The following SMCHD1 variants were observed in gnomAD, a reference collection of about 807,000 sequenced individuals.
SMCHD1 encodes the protein structural maintenance of chromosomes flexible hinge domain containing 1.
A neutral mutation model predicts 254.7 loss-of-function variants in SMCHD1; 78 were observed. The ratio of observed to expected loss-of-function variants is 0.31; its 90% CI spans 0.26 to 0.37. The LOEUF is 0.37. Ranked by LOEUF, SMCHD1 falls within the 10% of genes least tolerant of loss-of-function variation. The pLI is 1.00. For synonymous variants in SMCHD1, 766 were observed against 794.9 expected, an observed-to-expected ratio of 0.96 and a Z score of 0.61; for missense variants, 1,840 against 2,408.1, an observed-to-expected ratio of 0.76 and a Z score of 4.94.
chr18:2,763,552 GTAT>G (rs1301550498), intron 36 of SMCHD1, 82 bp from the exon 37 acceptor site: 15 of 1,090,540 alleles, frequency 1.4e-5, no homozygotes, highest in African/African-American at 6.6e-5. Context: ...GGGGCTCTCT[GTAT>G]TATTTCTGAT....
intron 12 of SMCHD1, among the ~76,000 whole-genome samples, chr18:2,702,719 T>G (rs1210448537): frequency 6.6e-6 from 1 of 152,186 alleles, no homozygotes; most frequent in East Asian, 1.9e-4. Context: ...TTCATATAAC[T>G]TTAAAAAAAT....
chr18:2,704,751 G>T lies in SMCHD1; in HGVS notation c.1842+865G>T, dbSNP rs923664095. On this transcript the variant is annotated intron_variant, in intron 13 of 47. Transcript: ENST00000320876. ...TACACAGATAATTACAAGGTAGAAG[G>T]CTCTCTGTTCTCTCCATAAATGAGA... Among the ~76,000 whole-genome samples the T allele has an allele frequency of 2.0e-5, 3 of 151,976 alleles. 1 individual carries two copies. The highest frequency in any genetic ancestry group is 3.9e-4 in the East Asian group (2 of 5,192).
intron 15 of SMCHD1, 25 bp from the exon 16 acceptor site, chr18:2,707,538 C>T (rs752513180): frequency 4.1e-6 from 6 of 1,447,382 alleles, no homozygotes; most frequent in Non-Finnish European, 5.7e-6. Context: ...GTTTGTGGAA[C>T]ATTAATATGC....
At position 2,655,807 on chromosome 18, in the gene SMCHD1, G is replaced by T; in HGVS notation, c.-269G>T. ...GATAGGCGCTGGGCCCGGGCCCGGT[G>T]AGGAGCGCGCCGCGCGTCCCCTTCT... is the stretch of plus-strand genomic sequence containing the variant. On this transcript the variant is annotated 5_prime_UTR_variant, in exon 1 of 48. Coordinates refer to ENST00000320876, the MANE Select transcript of SMCHD1 (RefSeq NM_015295.3). The T allele has an allele frequency of 3.2e-6, 1 of 314,054 alleles. No individual in the cohort carries two copies. The allele number at this position is 314,054 out of a possible 1,614,324, so 19.5% of individuals were successfully genotyped here.
chr18:2,732,669 A>T lies in SMCHD1; in HGVS notation c.3276+177A>T, dbSNP rs62084258. 0.19 allele frequency among the ~76,000 whole-genome samples: 29,515 copies of T among 152,118 alleles called. 3,113 individuals are homozygous for T. Among genetic ancestry groups the T allele is most frequent in the South Asian group, 0.27 (1,297 of 4,816 alleles). On this transcript the variant is annotated intron_variant, in intron 25 of 47. Transcript: ENST00000320876. ...TTTTCATGGAATAGGTTGAAATGCA[A>T]ATGATTCATATGTGACAAAATTATA...
intron 41 of SMCHD1, among the ~76,000 whole-genome samples, chr18:2,774,687 A>T (rs1437626369): frequency 6.6e-6 from 1 of 152,170 alleles, no homozygotes; most frequent in Non-Finnish European, 1.5e-5. Flanking sequence ...CTAGTAATAC[A>T]GTCTTGGGTC....
intron 17 of SMCHD1, among the ~76,000 whole-genome samples, chr18:2,712,950 A>C (rs114544205): frequency 4.6e-5 from 7 of 151,932 alleles, no homozygotes; most frequent in Non-Finnish European, 8.8e-5. Flanking sequence ...TCTAACCACA[A>C]CTGTTTTCTT....
At chr18:2,742,519 TA>T (rs1300949456) in intron 28 of SMCHD1, among the ~76,000 whole-genome samples, 1 of 152,238 alleles carries the variant, frequency 6.6e-6, no homozygotes, top group African/African-American at 2.4e-5. Context: ...AATATCTATT[TA>T]ATTAGTTTTC....
intron 30 of SMCHD1, among the ~76,000 whole-genome samples, chr18:2,748,376 GTGTGTGTA>G (rs1189211085): frequency 0.018 from 506 of 27,982 alleles, 28 homozygotes; most frequent in African/African-American, 0.041. Flanking sequence ...GTGTGTGTGT[GTGTGTGTA>G]TATAAATTTT....
chr18:2,755,781 A>G (rs377290293), intron 34 of SMCHD1, among the ~76,000 whole-genome samples: 136 of 151,316 alleles, frequency 9.0e-4, no homozygotes, highest in African/African-American at 3.0e-3. Context: ...GTTAGCCAGG[A>G]TGATCTCGAT....
In SMCHD1 at chr18:2,718,307, T is replaced by A; in HGVS notation, c.2339-8T>A. On this transcript the variant is annotated splice_region_variant and splice_polypyrimidine_tract_variant and intron_variant, in intron 18 of 47. Transcript: ENST00000320876. This position sits in a 1 kb window ranked among gnomAD's most constrained non-coding sequence, Gnocchi z 4.6. ...ACTTGATTTTTAATTTCTTCTTAAT[T>A]TATCCAGAAAATATTCAGAAGTTGG... The A allele has an allele frequency of 6.2e-7, 1 of 1,608,558 alleles. No homozygotes were observed. The highest frequency in any genetic ancestry group is 8.5e-7 in the Non-Finnish European group (1 of 1,177,262).
chr18:2,735,312 C>T (rs1446081502), intron 25 of SMCHD1, among the ~76,000 whole-genome samples: 1 of 152,122 alleles, frequency 6.6e-6, no homozygotes, highest in Non-Finnish European at 1.5e-5. Flanking sequence ...CCATCCATGA[C>T]AAACCCACAG....
chr18:2,764,282 A>G (rs1282000834), intron 37 of SMCHD1, among the ~76,000 whole-genome samples: 3 of 152,192 alleles, frequency 2.0e-5, no homozygotes, highest in Non-Finnish European at 4.4e-5. Flanking sequence ...GAGTTTCGGC[A>G]TATACACTAA....
intron 7 of SMCHD1, among the ~76,000 whole-genome samples, chr18:2,691,074 ACTTT>A (rs2074168670): frequency 6.6e-6 from 1 of 150,946 alleles, no homozygotes. Flanking sequence ...GCAGGACATT[ACTTT>A]CTTTTCTTTG....
Position 2,719,267 on chromosome 18 carries a change from C to T in SMCHD1, c.2458+833C>T, listed in dbSNP as rs911187115. 2.0e-5 allele frequency among the ~76,000 whole-genome samples: 3 copies of T among 150,470 alleles called. No homozygotes were observed. In the Admixed American group the frequency reaches 2.0e-4, roughly 10 times the overall value. On this transcript the variant is annotated intron_variant, in intron 19 of 47. Coordinates refer to ENST00000320876, the MANE Select transcript of SMCHD1 (RefSeq NM_015295.3). ...TTTCCTCTCTCCTCTCCTCTCCTCT[C>T]TCCTCTCTCCCCTCTCCCCTCTCCC...
chr18:2,689,279 G>T (rs769537231), intron 7 of SMCHD1, among the ~76,000 whole-genome samples: 1 of 146,250 alleles, frequency 6.8e-6, no homozygotes, highest in African/African-American at 2.5e-5. Flanking sequence ...GTGCAGTGGC[G>T]CAACCTCAGC....
intron 33 of SMCHD1, among the ~76,000 whole-genome samples, chr18:2,751,773 G>A (rs1210203594): frequency 2.0e-5 from 3 of 152,120 alleles, no homozygotes; most frequent in Non-Finnish European, 4.4e-5. Flanking sequence ...GTCTAGAACA[G>A]TGCTGTCCAG....
Position 2,738,354 on chromosome 18 carries a change from T to TAGAC in SMCHD1, c.3277-42_3277-39dup, listed in dbSNP as rs10638660. 449,223 of 1,488,900 alleles carry TAGAC rather than the reference T, an allele frequency of 0.3. 70,864 individuals carry two copies. Among genetic ancestry groups the TAGAC allele is most frequent in the East Asian group, 0.47 (18,951 of 40,648 alleles). The allele number at this position is 1,488,900 out of a possible 1,614,324, so 92.2% of individuals were successfully genotyped here. The stretch of plus-strand genomic sequence containing the variant: ...AAGATAAGTGGCAGTAAGAGAACAT[T>TAGAC]AGACGAAGCTTTATTATTGTTAAAT... On this transcript the variant is annotated intron_variant, in intron 25 of 47. Transcript: ENST00000320876.
chr18:2,666,584 T>C (rs1326221618), intron 2 of SMCHD1, among the ~76,000 whole-genome samples: 2 of 152,232 alleles, frequency 1.3e-5, no homozygotes, highest in Non-Finnish European at 2.9e-5. Flanking sequence ...CATCTGAATT[T>C]AACCATTCTC....
Sources: gnomAD v4.1 joint callset for allele counts (sites outside exome capture counted in the v4.1 genomes callset) on GRCh38, gnomAD v4.1.1 for gene constraint, Gnocchi (gnomAD v3.1) non-coding constraint, MANE v1.5 for transcripts, NCBI Gene and HGNC (gene_info 2026-07-23, HGNC 2026-07-21) for gene names.